Variants in ATG7 observed in about 807,000 individuals in gnomAD.
ATG7 encodes ubiquitin-like modifier-activating enzyme ATG7.
In ATG7, 70 loss-of-function variants were observed where a neutral mutation model predicts 82.4. That is an observed-to-expected ratio of 0.85 (90% CI 0.70 to 1.04). The LOEUF (loss-of-function observed/expected upper bound fraction) is 1.04, where lower values mean the gene tolerates loss of function less well. ATG7 is among the 50% of genes least tolerant of loss of function. The probability of loss-of-function intolerance (pLI) is 0.00; values close to 1 mark genes in which losing one functional copy is unlikely to be tolerated. For synonymous variants in ATG7, 287 were observed against 313.0 expected, an observed-to-expected ratio of 0.92 and a Z score of 0.88; for missense variants, 792 against 864.3, an observed-to-expected ratio of 0.92 and a Z score of 1.05.
chr3:11,372,829 T>TGCGC (rs1286749720), intron 18 of ATG7, among the ~76,000 whole-genome samples: 3 of 112,912 alleles, frequency 2.7e-5, no homozygotes, highest in South Asian at 2.6e-4. Context: ...CGCGTGTGCG[T>TGCGC]GTGTGTGCGT....
intron 18 of ATG7, among the ~76,000 whole-genome samples, chr3:11,365,600 A>G (rs1310219500): frequency 6.6e-6 from 1 of 152,062 alleles, no homozygotes; most frequent in Non-Finnish European, 1.5e-5. Context: ...CACCAGTCCT[A>G]TCTGGTGATT....
In ATG7 at chr3:11,528,603, G is replaced by T. The variant is rs534861811; in HGVS notation, c.2080-26208G>T. On this transcript the variant is annotated intron_variant, in intron 20 of 20. Coordinates refer to ENST00000693202, the MANE Select transcript of ATG7 (RefSeq NM_001349232.2). Reference sequence around the variant, plus strand: ...GCACTTTGGGAGGCTGAGGCAGGAAGATCCACAAGGTCAGGAGTTTGAGAC... The same window carrying T: ...GCACTTTGGGAGGCTGAGGCAGGAATATCCACAAGGTCAGGAGTTTGAGAC... 8.5e-5 allele frequency among the ~76,000 whole-genome samples: 13 copies of T among 152,130 alleles called. No homozygotes were observed. The South Asian group carries it at 1.2e-3, about 15-fold the overall frequency.
At position 11,392,049 on chromosome 3, in the gene ATG7, T is replaced by G. The variant is rs2078853922; in HGVS notation, c.1956+11997T>G. Among the ~76,000 whole-genome samples the G allele has an allele frequency of 2.0e-5, 3 of 152,114 alleles. No homozygotes were observed. The South Asian group carries it at 6.2e-4, about 32-fold the overall frequency. On this transcript the variant is annotated intron_variant, in intron 19 of 20. Transcript: ENST00000693202. The stretch of plus-strand genomic sequence containing the variant: ...AGGCTGTCTTTGGAAATCTTGTCCT[T>G]TGAAAAGGGAATGCTGATACCCAGA...
At chr3:11,487,766 C>T (rs373179936) in intron 20 of ATG7, among the ~76,000 whole-genome samples, 1 of 3,740 alleles carries the variant, frequency 2.7e-4, no homozygotes, top group African/African-American at 1.7e-3. Flanking sequence ...CCCTCCCGGA[C>T]GGGGTGGCTG....
chr3:11,573,296 A>G, the ATG7 span, among the ~76,000 whole-genome samples: 99 of 11,328 alleles, frequency 8.7e-3, 4 homozygotes, highest in African/African-American at 0.025. Context: ...AGAAAGAAAG[A>G]AAGAAAGAAA....
intron 1 of ATG7, among the ~76,000 whole-genome samples, chr3:11,272,903 A>G (rs1940799653): frequency 1.3e-5 from 2 of 152,256 alleles, no homozygotes; most frequent in South Asian, 4.1e-4. Context: ...TTTCTGAGAA[A>G]GAAGATTCTC....
chr3:11,390,665 G>C (rs550905257), intron 19 of ATG7, among the ~76,000 whole-genome samples: 1,221 of 87,758 alleles, frequency 0.014, 8 homozygotes, highest in South Asian at 0.076. Flanking sequence ...CTTTGTGGGT[G>C]GGTTTGATTT....
chr3:11,296,737 G>A (rs1192142282), intron 3 of ATG7, among the ~76,000 whole-genome samples: 1 of 152,150 alleles, frequency 6.6e-6, no homozygotes, highest in African/African-American at 2.4e-5. Context: ...TTTCTGCCAT[G>A]AGTATTCCTC....
At chr3:11,551,227 G>A (rs539764119) in intron 20 of ATG7, among the ~76,000 whole-genome samples, 1 of 152,278 alleles carries the variant, frequency 6.6e-6, no homozygotes, top group Admixed American at 6.5e-5. Context: ...GTTTCATGGC[G>A]TCTCCCTCGG....
At chr3:11,331,893 A>T (rs1320613639) in intron 10 of ATG7, among the ~76,000 whole-genome samples, 1 of 152,242 alleles carries the variant, frequency 6.6e-6, no homozygotes, top group African/African-American at 2.4e-5. Flanking sequence ...ATGCTACTAC[A>T]TATCCACCAA....
intron 19 of ATG7, among the ~76,000 whole-genome samples, chr3:11,408,501 T>G (rs1440202783): frequency 6.6e-6 from 1 of 152,308 alleles, no homozygotes; most frequent in Non-Finnish European, 1.5e-5. Flanking sequence ...GGTACCAGAT[T>G]ACTGGATTAG....
At chr3:11,292,031 A>G (rs967893786) in intron 3 of ATG7, among the ~76,000 whole-genome samples, 40 of 152,308 alleles carry the variant, frequency 2.6e-4, no homozygotes, top group African/African-American at 9.4e-4. Context: ...GGCCAAAGGC[A>G]GTGACCCGTG....
At chr3:11,301,106 A>G (rs1946713473) in intron 5 of ATG7, among the ~76,000 whole-genome samples, 1 of 152,210 alleles carries the variant, frequency 6.6e-6, no homozygotes, top group Non-Finnish European at 1.5e-5. Flanking sequence ...GAAAACCAGA[A>G]AAGTGTTAGA....
chr3:11,462,741 C>G (rs535333239), intron 20 of ATG7, among the ~76,000 whole-genome samples: 1 of 152,102 alleles, frequency 6.6e-6, no homozygotes, highest in African/African-American at 2.4e-5. Flanking sequence ...GCCACCCCCC[C>G]AGGGGCAGTC....
Position 11,332,957 on chromosome 3 carries a change from C to A in ATG7, c.768-15C>A. The A allele has an allele frequency of 6.9e-7, 1 of 1,445,204 alleles. No individual in the cohort carries two copies. The highest frequency in any genetic ancestry group is 9.1e-7 in the Non-Finnish European group (1 of 1,098,218). 89.5% of individuals were successfully genotyped at this position (1,445,204 alleles called of 1,614,324 possible). A position where few individuals can be genotyped will look rare whatever the true frequency, so the allele number is the denominator to read the frequency against. On this transcript the variant is annotated splice_polypyrimidine_tract_variant and intron_variant, in intron 10 of 20. Transcript: ENST00000693202. ...AAAAAATAATAAATAAATAAAAATC[C>A]GGGCATGACAACAGGAGTAGCAGTT...
At chr3:11,430,646 C>A (rs1323944228) in intron 20 of ATG7, among the ~76,000 whole-genome samples, 1 of 152,112 alleles carries the variant, frequency 6.6e-6, no homozygotes, top group Non-Finnish European at 1.5e-5. Flanking sequence ...AATCTGATAC[C>A]AAGCACTGTG....
intron 19 of ATG7, among the ~76,000 whole-genome samples, chr3:11,380,550 G>A (rs775814016): frequency 3.3e-5 from 5 of 152,210 alleles, no homozygotes; most frequent in African/African-American, 1.2e-4. Context: ...TAAAAATAGA[G>A]CTGGTATGTT....
chr3:11,406,769 C>A (rs1318530525), intron 19 of ATG7, among the ~76,000 whole-genome samples: 3 of 152,132 alleles, frequency 2.0e-5, no homozygotes, highest in South Asian at 4.1e-4. Context: ...ATTCTTAAAA[C>A]CATCAGATCT....
chr3:11,293,027 A>G (rs1382017896), intron 3 of ATG7, among the ~76,000 whole-genome samples: 1 of 152,192 alleles, frequency 6.6e-6, no homozygotes, highest in Non-Finnish European at 1.5e-5. Context: ...TCTTCCTTGA[A>G]TTAAGGTGAT....
Sources: gnomAD v4.1 joint callset for allele counts (sites outside exome capture counted in the v4.1 genomes callset) on GRCh38, gnomAD v4.1.1 for gene constraint, MANE v1.5 for transcripts, NCBI Gene and HGNC (gene_info 2026-07-23, HGNC 2026-07-21) for gene names.